GALNT12: variants seen among roughly 807,000 people sequenced by gnomAD.
The protein encoded by GALNT12 is UDP-GalNAc:polypeptide N-acetylgalactosaminyltransferase 12.
In GALNT12, 45 loss-of-function variants were observed where a neutral mutation model predicts 55.5. The ratio of observed to expected loss-of-function variants is 0.81; its 90% CI spans 0.64 to 1.04. The LOEUF is 1.04. Ranked by LOEUF, GALNT12 falls within the 50% of genes least tolerant of loss-of-function variation. The pLI is 0.00. For synonymous variants in GALNT12, 304 were observed against 312.2 expected (o/e 0.97, Z 0.28); for missense variants, 709 against 754.8 (o/e 0.94, Z 0.71).
chr9:98,824,358 C>T (rs928117026), intron 2 of GALNT12, among the ~76,000 whole-genome samples: 3 of 152,038 alleles, frequency 2.0e-5, no homozygotes, highest in Non-Finnish European at 2.9e-5. Context: ...GCTGGTTTTT[C>T]ACCTCCTACT....
At chr9:98,816,482 A>C (rs1161989468) in intron 1 of GALNT12, among the ~76,000 whole-genome samples, 1 of 152,028 alleles carries the variant, frequency 6.6e-6, no homozygotes, top group African/African-American at 2.4e-5. Context: ...ATTGTTCTCT[A>C]CATTGAATGC....
chr9:98,823,568 A>G (rs1158523186), intron 2 of GALNT12, 143 bp downstream of exon 2: 2 of 712,238 alleles, frequency 2.8e-6, no homozygotes, highest in Admixed American at 2.2e-5. Flanking sequence ...GACCTCAGGG[A>G]TAGTAGCCCA....
chr9:98,826,785 C>T lies in GALNT12; in HGVS notation c.575C>T (p.Ser192Leu), dbSNP rs754554283. 3 of 1,611,682 alleles carry T rather than the reference C, an allele frequency of 1.9e-6. No homozygotes were observed. Among genetic ancestry groups the T allele is most frequent in the East Asian group, 4.5e-5 (2 of 44,872 alleles). ...HLKERLANEL[S>L]GLPKVRLIRA... The stretch of plus-strand genomic sequence containing the variant: ...AAGGAGCGCTTGGCCAATGAGCTTT[C>T]GGGACTGCCCAAGGTGCGCCTGATC... Residue 192 changes from serine (S) to leucine (L), a missense_variant, in exon 3 of 10, where the codon TCG becomes TTG. Coordinates refer to ENST00000375011, the MANE Select transcript of GALNT12 (RefSeq NM_024642.5).
Position 98,849,011 on chromosome 9 carries a change from G to A in GALNT12, c.1665G>A (p.Ser555=), listed in dbSNP as rs952364539. The A allele has an allele frequency of 5.0e-6, 8 of 1,614,008 alleles. No homozygotes were observed. The highest frequency in any genetic ancestry group is 1.3e-5 in the African/African-American group (1 of 74,924). ...GTGTCCAGGCTGCGAGGAAGGAGTCGAGTGACAGTTTCGTTCCACTCTTAC... is the reference window on the plus strand; with the variant it reads ...GTGTCCAGGCTGCGAGGAAGGAGTCAAGTGACAGTTTCGTTCCACTCTTAC... The part of the protein sequence containing the change: ...KKCVQAARKE[S]SDSFVPLLRD... The change falls in exon 10 of 10, where the codon TCG becomes TCA. Residue 555 remains serine, a synonymous_variant. Transcript: ENST00000375011.
intron 8 of GALNT12, among the ~76,000 whole-genome samples, chr9:98,844,872 C>T (rs942854862): frequency 2.6e-5 from 4 of 152,086 alleles, no homozygotes; most frequent in Admixed American, 6.6e-5. Context: ...AAGCAGTTGA[C>T]AGGACCCTTG....
In GALNT12 at chr9:98,840,100, T is replaced by C. The variant is rs773376227; in HGVS notation, c.1311T>C (p.His437=). 2.5e-6 allele frequency: 4 copies of C among 1,614,084 alleles called. No individual in the cohort carries two copies. The highest frequency in any genetic ancestry group is 8.5e-7 in the Non-Finnish European group (1 of 1,180,026). The part of the protein sequence containing the change: ...WFLETVYPEL[H]VPEDRPGFFG... ...TGGAGACTGTGTATCCAGAACTGCATGTGCCTGAGGACAGGCCTGGCTTCT... is the reference window on the plus strand; with the variant it reads ...TGGAGACTGTGTATCCAGAACTGCACGTGCCTGAGGACAGGCCTGGCTTCT... The change falls in exon 7 of 10, where the codon CAT becomes CAC. Residue 437 remains histidine, a synonymous_variant. Transcript: ENST00000375011.
At chr9:98,833,758 T>C (rs930035159) in intron 4 of GALNT12, among the ~76,000 whole-genome samples, 3 of 152,068 alleles carry the variant, frequency 2.0e-5, no homozygotes, top group Non-Finnish European at 4.4e-5. Context: ...GTTTGGAAAC[T>C]GAGACACAGA....
chr9:98,817,466 G>T, intron 1 of GALNT12, among the ~76,000 whole-genome samples: 1 of 151,708 alleles, frequency 6.6e-6, no homozygotes. Flanking sequence ...TTTTTGTTTT[G>T]TTTTGTTTGT....
intron 3 of GALNT12, among the ~76,000 whole-genome samples, chr9:98,828,098 G>A (rs1265500954): frequency 1.3e-5 from 2 of 152,180 alleles, no homozygotes; most frequent in Non-Finnish European, 2.9e-5. Flanking sequence ...TGGCCTCCCC[G>A]CTGTGGAGCA....
intron 1 of GALNT12, among the ~76,000 whole-genome samples, chr9:98,818,717 G>A (rs921404815): frequency 6.6e-6 from 1 of 152,144 alleles, no homozygotes; most frequent in Admixed American, 6.6e-5. Flanking sequence ...TTTATAAAAT[G>A]TCTCAGTTTG....
chr9:98,846,856 CA>C (rs757918355), intron 9 of GALNT12, among the ~76,000 whole-genome samples: 5,275 of 109,104 alleles, frequency 0.048, 83 homozygotes, highest in African/African-American at 0.094. Context: ...GACTCCGTCT[CA>C]AAAAAAAAAA....
Position 98,849,415 on chromosome 9 carries a change from ACT to A in GALNT12, c.*327_*328del. On this transcript the variant is annotated 3_prime_UTR_variant, in exon 10 of 10. Coordinates refer to ENST00000375011, the MANE Select transcript of GALNT12 (RefSeq NM_024642.5). The stretch of plus-strand genomic sequence containing the variant: ...TGTATATTTTACAGTCGTGCCTTTT[ACT>A]CTCATTAGCAAAAAAGATAAAGATT... The A allele has an allele frequency of 1.9e-6, 1 of 533,456 alleles. No individual in the cohort carries two copies. The highest frequency in any genetic ancestry group is 3.3e-6 in the Non-Finnish European group (1 of 305,652). The allele number at this position is 533,456 out of a possible 1,614,324, so 33.0% of individuals were successfully genotyped here. A position where few individuals can be genotyped will look rare whatever the true frequency, so the allele number is the denominator to read the frequency against.
Position 98,835,273 on chromosome 9 carries a change from G to A in GALNT12, c.942G>A (p.Leu314=). ...GGTCTCCAACAATGGCTGGTGGGCT[G>A]TTTGCTGTGAGTAAGAAATATTTTG... ...VIRSPTMAGG[L]FAVSKKYFEY... Residue 314 remains leucine, a synonymous_variant, in exon 5 of 10, where the codon CTG becomes CTA. Coordinates refer to ENST00000375011, the MANE Select transcript of GALNT12 (RefSeq NM_024642.5). 1 of 1,613,840 alleles carries A rather than the reference G, an allele frequency of 6.2e-7. No homozygotes were observed. Among genetic ancestry groups the A allele is most frequent in the Non-Finnish European group, 8.5e-7 (1 of 1,179,684 alleles).
In GALNT12 at chr9:98,826,830, GC is replaced by G; in HGVS notation, c.622del (p.Leu208TrpfsTer17). ...CTGATCCGCGCCAACAAGAGAGAGG[GC>G]CTGGTGCGAGCCCGGCTGCTGGGGG... is the stretch of plus-strand genomic sequence containing the variant. The part of the protein sequence containing the change: ...VRLIRANKRE[G>X]LVRARLLGAS... On this transcript the variant is annotated frameshift_variant, in exon 3 of 10. Coordinates refer to ENST00000375011, the MANE Select transcript of GALNT12 (RefSeq NM_024642.5). LOFTEE classifies it high-confidence loss of function. The G allele has an allele frequency of 6.2e-7, 1 of 1,611,606 alleles. No individual in the cohort carries two copies. The highest frequency in any genetic ancestry group is 1.1e-5 in the South Asian group (1 of 90,480).
rs111681826 is a variant in GALNT12 at position 98,844,337 on chromosome 9, A to G, written c.1458+128A>G. 4,033 of 692,288 alleles carry G rather than the reference A, an allele frequency of 5.8e-3. 22 individuals carry two copies. The highest frequency in any genetic ancestry group is 0.016 in the Middle Eastern group (42 of 2,592). The allele number at this position is 692,288 out of a possible 1,614,324, so 42.9% of individuals were successfully genotyped here. The stretch of plus-strand genomic sequence containing the variant: ...GTAGAAGCCTAGGGTGGCCAGACTC[A>G]GAGAGACCACTGTTAAAATTAAAAT... On this transcript the variant is annotated intron_variant, in intron 8 of 9. Transcript: ENST00000375011.
Position 98,807,994 on chromosome 9 carries a change from G to C in GALNT12, c.296G>C (p.Arg99Pro). ...EELRLQEESV[R>P]LHQINIYLSD... ...CTGCGGCTGCAGGAGGAGAGCGTGCGGCTGCACCAGATTAACATCTACCTC... is the reference window on the plus strand; with the variant it reads ...CTGCGGCTGCAGGAGGAGAGCGTGCCGCTGCACCAGATTAACATCTACCTC... The change falls in exon 1 of 10, where the codon CGG (arginine) becomes CCG (proline). Residue 99 changes from arginine (R) to proline (P), a missense_variant. Physicochemically the swap from Arg to Pro is moderately radical, Grantham distance 103. Coordinates refer to ENST00000375011, the MANE Select transcript of GALNT12 (RefSeq NM_024642.5). 1 of 1,538,804 alleles carries C rather than the reference G, an allele frequency of 6.5e-7. No homozygotes were observed. Among genetic ancestry groups the C allele is most frequent in the Non-Finnish European group, 8.7e-7 (1 of 1,145,680 alleles).
chr9:98,831,842 C>T lies in GALNT12; in HGVS notation c.802C>T (p.Leu268=). 6.2e-7 allele frequency: 1 copy of T among 1,614,164 alleles called. No individual in the cohort carries two copies. The highest frequency in any genetic ancestry group is 8.5e-7 in the Non-Finnish European group (1 of 1,180,038). ...GATCGACTGGAACACCTTCGAATAC[C>T]TGGGGAACTCCGGGGAGCCCCAGAT... The part of the protein sequence containing the change: ...DVIDWNTFEY[L]GNSGEPQIGG... Residue 268 remains leucine (L), a synonymous_variant, in exon 4 of 10, where the codon CTG becomes TTG. Transcript: ENST00000375011.
Position 98,807,989 on chromosome 9 carries a change from C to G in GALNT12, c.291C>G (p.Ser97Arg), listed in dbSNP as rs1238437424. ...AGGAGCTGCGGCTGCAGGAGGAGAG[C>G]GTGCGGCTGCACCAGATTAACATCT... Reference protein sequence around the residue: ...QGEELRLQEESVRLHQINIYL... With the variant: ...QGEELRLQEERVRLHQINIYL... Residue 97 changes from serine to arginine, a missense_variant, in exon 1 of 10, where the codon AGC becomes AGG. By Grantham distance (110) the Ser-to-Arg change is moderately radical (BLOSUM62 -1). This residue lies in a region of GALNT12 where 315 missense variants were observed against 288.6 expected (regional missense o/e 1.09). Coordinates refer to ENST00000375011, the MANE Select transcript of GALNT12 (RefSeq NM_024642.5). The G allele has an allele frequency of 6.5e-7, 1 of 1,528,376 alleles. No individual in the cohort carries two copies. The highest frequency in any genetic ancestry group is 2.0e-5 in the Admixed American group (1 of 50,414). 94.7% of individuals were successfully genotyped at this position (1,528,376 alleles called of 1,614,324 possible).
intron 6 of GALNT12, among the ~76,000 whole-genome samples, chr9:98,838,833 C>T (rs946615524): frequency 6.6e-6 from 1 of 152,220 alleles, no homozygotes; most frequent in African/African-American, 2.4e-5. Flanking sequence ...ATAAAATTCT[C>T]ATTTTATAGA....
Sources: gnomAD v4.1 joint callset for allele counts (sites outside exome capture counted in the v4.1 genomes callset) on GRCh38, gnomAD v4.1.1 for gene constraint, gnomAD v4.1.1 regional missense constraint, MANE v1.5 for transcripts, NCBI Gene and HGNC (gene_info 2026-07-23, HGNC 2026-07-21) for gene names.